RAD54L2: variants seen among roughly 807,000 people sequenced by gnomAD.
The protein encoded by RAD54L2 is helicase ARIP4.
RAD54L2 carries 27 observed loss-of-function variants against 138.4 expected under a neutral mutation model. The observed-to-expected ratio is 0.20, with a 90% CI of 0.14 to 0.27. The LOEUF is 0.27. RAD54L2 is among the 10% of genes least tolerant of loss of function. The probability of loss-of-function intolerance (pLI) is 1.00; values close to 1 mark genes in which losing one functional copy is unlikely to be tolerated. For missense variants in RAD54L2, 1,396 were observed against 1,890.2 expected (o/e 0.74, Z 4.85); for synonymous variants, 644 against 723.2 (o/e 0.89, Z 1.76).
chr3:51,594,494 A>G (rs1023554362), intron 3 of RAD54L2, among the ~76,000 whole-genome samples: 11 of 152,314 alleles, frequency 7.2e-5, no homozygotes, highest in Middle Eastern at 3.4e-3. Context: ...AAATTGGCAA[A>G]GCTGGACTTT....
At chr3:51,644,901 G>A (rs1701234645) in intron 16 of RAD54L2, 123 bp from the exon 17 acceptor site, 1 of 932,196 alleles carries the variant, frequency 1.1e-6, no homozygotes, top group Admixed American at 2.2e-5. Flanking sequence ...CAAAATCCTT[G>A]AGTATGTTGT....
chr3:51,606,121 TTGG>T (rs1417129046), intron 3 of RAD54L2, among the ~76,000 whole-genome samples: 1 of 142,970 alleles, frequency 7.0e-6, no homozygotes, highest in Non-Finnish European at 1.6e-5. Flanking sequence ...CAGGAGGTAG[TTGG>T]TGGTCAGAGA....
intron 3 of RAD54L2, among the ~76,000 whole-genome samples, chr3:51,595,084 T>A (rs1699932536): frequency 6.6e-6 from 1 of 151,992 alleles, no homozygotes; most frequent in South Asian, 2.1e-4. Context: ...CAGGCTGGTC[T>A]CAAACACATG....
chr3:51,648,339 T>C (rs1701338468), intron 19 of RAD54L2, among the ~76,000 whole-genome samples: 1 of 152,242 alleles, frequency 6.6e-6, no homozygotes, highest in Admixed American at 6.5e-5. Flanking sequence ...CAGGCCTGCC[T>C]GCCTCTGTAG....
chr3:51,567,851 AGAATCC>A (rs1184369562), intron 2 of RAD54L2, among the ~76,000 whole-genome samples: 1 of 151,404 alleles, frequency 6.6e-6, no homozygotes, highest in Non-Finnish European at 1.5e-5. Context: ...ATAAGGCAGG[AGAATCC>A]CTTGAGCCCA....
intron 2 of RAD54L2, among the ~76,000 whole-genome samples, chr3:51,565,738 G>T (rs184571078): frequency 6.6e-6 from 1 of 152,010 alleles, no homozygotes; most frequent in Admixed American, 6.5e-5. Context: ...CTGCCAAAGT[G>T]CTGGGATTAC....
Position 51,580,212 on chromosome 3 carries a change from C to G in RAD54L2, c.-54-10155C>G, listed in dbSNP as rs180893528. 2.0e-4 allele frequency among the ~76,000 whole-genome samples: 30 copies of G among 152,210 alleles called. 1 individual carries two copies. In the South Asian group the frequency reaches 5.4e-3, roughly 27 times the overall value. ...AGGTTTAATAATTTGCCTGAATGGC[C>G]CATAGAACTCAGGAACACATTTTGC... On this transcript the variant is annotated intron_variant, in intron 2 of 22. Coordinates refer to ENST00000684192, the MANE Select transcript of RAD54L2 (RefSeq NM_015106.4).
intron 3 of RAD54L2, among the ~76,000 whole-genome samples, chr3:51,623,830 A>G (rs866203695): frequency 5.5e-4 from 84 of 152,124 alleles, no homozygotes; most frequent in Middle Eastern, 6.8e-3. Flanking sequence ...AAAAAAAATT[A>G]GCCGGGCATG....
intron 3 of RAD54L2, among the ~76,000 whole-genome samples, 163 bp from the exon 4 acceptor site, chr3:51,627,390 A>G (rs1350537574): frequency 1.3e-5 from 2 of 152,184 alleles, no homozygotes; most frequent in Non-Finnish European, 2.9e-5. Context: ...CACTATCCTC[A>G]TTTTGTAGAT....
chr3:51,561,924 A>G (rs1260593205), intron 2 of RAD54L2, among the ~76,000 whole-genome samples: 4 of 151,888 alleles, frequency 2.6e-5, no homozygotes, highest in African/African-American at 9.7e-5. Context: ...GCTGGAGTGC[A>G]GTGGCGCAAT....
Position 51,637,859 on chromosome 3 carries a change from C to T in RAD54L2, c.1683-285C>T, listed in dbSNP as rs1701025415. On this transcript the variant is annotated intron_variant, in intron 11 of 22. Coordinates refer to ENST00000684192, the MANE Select transcript of RAD54L2 (RefSeq NM_015106.4). This position sits in a 1 kb window ranked among gnomAD's most constrained non-coding sequence, Gnocchi z 5.9. ...TGAGATGGCATATGGAGCGAAAGCT[C>T]AGAGAGGCAGCCCAAATTAAAGTAA... Among the ~76,000 whole-genome samples the T allele has an allele frequency of 6.6e-6, 1 of 152,226 alleles. No individual in the cohort carries two copies. Among genetic ancestry groups the T allele is most frequent in the African/African-American group, 2.4e-5 (1 of 41,454 alleles).
At position 51,607,834 on chromosome 3, in the gene RAD54L2, G is replaced by A. The variant is rs1428114341; in HGVS notation, c.139+17275G>A. Among the ~76,000 whole-genome samples the A allele has an allele frequency of 1.1e-3, 159 of 150,888 alleles. 1 individual carries two copies. The highest frequency in any genetic ancestry group is 2.0e-3 in the Non-Finnish European group (132 of 67,544). The stretch of plus-strand genomic sequence containing the variant: ...GGGCTCCTCACCTCCCAGACGGGGC[G>A]GCTGGGCAGAGGCGCCCCCCACCTC... On this transcript the variant is annotated intron_variant, in intron 3 of 22. Transcript: ENST00000684192.
chr3:51,618,081 C>G (rs1003481359), intron 3 of RAD54L2, among the ~76,000 whole-genome samples: 3 of 151,564 alleles, frequency 2.0e-5, no homozygotes, highest in African/African-American at 7.3e-5. Flanking sequence ...GCCTCATCCT[C>G]CGGAGTAGCT....
chr3:51,642,228 G>C (rs911993247), intron 15 of RAD54L2, among the ~76,000 whole-genome samples: 1 of 152,138 alleles, frequency 6.6e-6, no homozygotes, highest in African/African-American at 2.4e-5. Flanking sequence ...GAATACACAG[G>C]GCTAGTGTTG....
chr3:51,613,564 C>T (rs7648435), intron 3 of RAD54L2, among the ~76,000 whole-genome samples: 106 of 152,066 alleles, frequency 7.0e-4, no homozygotes, highest in African/African-American at 2.5e-3. Flanking sequence ...ATCAGGAGTT[C>T]GAGACCAGCC....
At chr3:51,618,615 G>A (rs769415220) in intron 3 of RAD54L2, among the ~76,000 whole-genome samples, 1 of 152,224 alleles carries the variant, frequency 6.6e-6, no homozygotes, top group Non-Finnish European at 1.5e-5. Context: ...CTATACTTAA[G>A]AAGTGTATCC....
intron 3 of RAD54L2, among the ~76,000 whole-genome samples, chr3:51,616,498 GT>G (rs1181273014): frequency 6.6e-6 from 1 of 152,168 alleles, no homozygotes; most frequent in African/African-American, 2.4e-5. Context: ...ATGACTGTTG[GT>G]TGTATACATC....
intron 3 of RAD54L2, among the ~76,000 whole-genome samples, chr3:51,623,980 C>CAA (rs35064930): frequency 2.7e-3 from 200 of 74,000 alleles, no homozygotes; most frequent in Non-Finnish European, 3.0e-3. Context: ...CTCCGTCTCA[C>CAA]AAAAAAAAAA....
chr3:51,661,272 G>GT (rs545679709), intron 22 of RAD54L2, among the ~76,000 whole-genome samples: 3 of 152,160 alleles, frequency 2.0e-5, no homozygotes, highest in South Asian at 2.1e-4. Context: ...AATTTTCTTT[G>GT]TTTTTTTAAA....
Sources: allele counts gnomAD v4.1 joint callset (sites outside exome capture counted in the v4.1 genomes callset), GRCh38; gene constraint gnomAD v4.1.1; non-coding constraint Gnocchi (gnomAD v3.1); transcripts MANE v1.5; gene names NCBI Gene and HGNC (gene_info 2026-07-23, HGNC 2026-07-21).